The following NOTCH3 variants were observed in gnomAD, a reference collection of about 807,000 sequenced individuals.
NOTCH3 encodes the protein neurogenic locus notch homolog protein 3.
NOTCH3 carries 86 observed loss-of-function variants against 213.3 expected under a neutral mutation model. The observed-to-expected ratio is 0.40, with a 90% CI of 0.34 to 0.48. The LOEUF is 0.48. Ranked by LOEUF, NOTCH3 falls within the 20% of genes least tolerant of loss-of-function variation. The pLI is 0.57. For synonymous variants in NOTCH3, 1,354 were observed against 1,355.9 expected (o/e 1.00, Z 0.03); for missense variants, 2,783 against 3,272.6 (o/e 0.85, Z 3.65).
chr19:15,200,161 G>GGGGTCCCAGGGCCTCC (rs1175345994), intron 1 of NOTCH3, among the ~76,000 whole-genome samples: 1 of 150,684 alleles, frequency 6.6e-6, no homozygotes, highest in African/African-American at 2.4e-5. Context: ...GCGCAGGGGC[G>GGGGTCCCAGGGCCTCC]GGGTCCCAGG....
At chr19:15,187,445 G>T in intron 10 of NOTCH3, 107 bp from the exon 11 acceptor site, 1 of 973,734 alleles carries the variant, frequency 1.0e-6, no homozygotes, top group Non-Finnish European at 1.5e-6. Flanking sequence ...TGCCCATCAA[G>T]CTGTCAGGAG....
chr19:15,175,202 G>A (rs1484781598), intron 24 of NOTCH3, among the ~76,000 whole-genome samples: 1 of 152,090 alleles, frequency 6.6e-6, no homozygotes, highest in East Asian at 1.9e-4. Flanking sequence ...GGAGATACAT[G>A]AGCCAAATAT....
chr19:15,184,157 C>A (rs942967445), intron 16 of NOTCH3, 138 bp downstream of exon 16: 2 of 877,334 alleles, frequency 2.3e-6, no homozygotes, highest in African/African-American at 1.6e-5. Context: ...CCTCCTCGGG[C>A]CTCAGTTTCC....
chr19:15,197,441 G>GCGCCCA, intron 2 of NOTCH3, 59 bp downstream of exon 2: 1 of 768,364 alleles, frequency 1.3e-6, no homozygotes, highest in Non-Finnish European at 2.3e-6. Flanking sequence ...AAGACAAATC[G>GCGCCCA]CCCCTCCCCC....
At chr19:15,188,424 C>T (rs2046901507) in intron 8 of NOTCH3, 76 bp from the exon 9 acceptor site, 1 of 905,986 alleles carries the variant, frequency 1.1e-6, no homozygotes, top group Non-Finnish European at 1.8e-6. Flanking sequence ...GGAGGTACTT[C>T]CCTTCCTACT....
chr19:15,162,213 C>T (rs2046650778), intron 32 of NOTCH3: 4 of 508,236 alleles, frequency 7.9e-6, no homozygotes, highest in Non-Finnish European at 1.1e-5. Context: ...AACTCCTGAA[C>T]TCAAGTAATC....
At chr19:15,172,527 A>G (rs2046742946) in intron 25 of NOTCH3, among the ~76,000 whole-genome samples, 1 of 150,914 alleles carries the variant, frequency 6.6e-6, no homozygotes, top group Non-Finnish European at 1.5e-5. Context: ...CCACATCCCA[A>G]TATCTGCAAA....
intron 1 of NOTCH3, among the ~76,000 whole-genome samples, chr19:15,199,706 G>C (rs889184977): frequency 2.0e-5 from 3 of 152,210 alleles, no homozygotes; most frequent in Non-Finnish European, 4.4e-5. Context: ...GGCCATGTGT[G>C]TGCGCCGCTG....
chr19:15,179,854 C>A (rs1265065718), intron 20 of NOTCH3, among the ~76,000 whole-genome samples: 1 of 152,002 alleles, frequency 6.6e-6, no homozygotes. Context: ...CTGCACTCGT[C>A]TGGGTGACAG....
At chr19:15,167,157 C>A in intron 29 of NOTCH3, 92 bp downstream of exon 29, 1 of 1,389,378 alleles carries the variant, frequency 7.2e-7, no homozygotes, top group Non-Finnish European at 1.0e-6. Context: ...TTAGAGACTC[C>A]CCCAGTTCTC....
Position 15,173,766 on chromosome 19 carries a change from G to A in NOTCH3, c.4736+302C>T, listed in dbSNP as rs1432433334. Among the ~76,000 whole-genome samples the A allele has an allele frequency of 0.02, 59 of 2,886 alleles. 4 individuals are homozygous for A. The African/African-American group carries it at 0.22, about 11-fold the overall frequency. The allele number at this position is 2,886 out of a possible 152,430, so 1.9% of individuals were successfully genotyped here. A position where few individuals can be genotyped will look rare whatever the true frequency, so the allele number is the denominator to read the frequency against. Reference sequence around the variant, plus strand: ...AGAAAAGAAGAAGGAGAAGGAGAAGGAGAAGGAGAAGGAGAAGGAGAAGAA... The same window carrying A: ...AGAAAAGAAGAAGGAGAAGGAGAAGAAGAAGGAGAAGGAGAAGGAGAAGAA... On this transcript the variant is annotated intron_variant, in intron 25 of 32. Transcript: ENST00000263388.
chr19:15,186,700 C>CA (rs1365110547), intron 12 of NOTCH3, among the ~76,000 whole-genome samples, 178 bp downstream of exon 12: 2 of 152,228 alleles, frequency 1.3e-5, no homozygotes, highest in Non-Finnish European at 2.9e-5. Context: ...CCACCGCGCC[C>CA]AGCCTGCAGA....
At position 15,167,138 on chromosome 19, in the gene NOTCH3, C is replaced by T; in HGVS notation, c.5362+111G>A. 4 of 1,198,216 alleles carry T rather than the reference C, an allele frequency of 3.3e-6. No individual in the cohort carries two copies. The South Asian group carries it at 4.0e-5, about 12-fold the overall frequency. The allele number at this position is 1,198,216 out of a possible 1,614,324, so 74.2% of individuals were successfully genotyped here. A position where few individuals can be genotyped will look rare whatever the true frequency, so the allele number is the denominator to read the frequency against. On this transcript the variant is annotated intron_variant, in intron 29 of 32. Coordinates refer to ENST00000263388, the MANE Select transcript of NOTCH3 (RefSeq NM_000435.3). ...AGTGTTGCTGAATACACACACCCTTCACAGAAGCTTAGAGACTCCCCCAGT... is the reference window on the plus strand; with the variant it reads ...AGTGTTGCTGAATACACACACCCTTTACAGAAGCTTAGAGACTCCCCCAGT...
At chr19:15,199,716 G>A (rs546555736) in intron 1 of NOTCH3, among the ~76,000 whole-genome samples, 6 of 152,326 alleles carry the variant, frequency 3.9e-5, no homozygotes, top group Admixed American at 3.9e-4. Flanking sequence ...GTGCGCCGCT[G>A]GTCCGGCGGA....
chr19:15,171,764 T>G (rs1305239078), intron 25 of NOTCH3, among the ~76,000 whole-genome samples: 4 of 152,150 alleles, frequency 2.6e-5, no homozygotes, highest in Non-Finnish European at 4.4e-5. Context: ...TCCGACTCCC[T>G]GGTTCAAGTG....
At chr19:15,196,230 G>C (rs1156708281) in intron 2 of NOTCH3, among the ~76,000 whole-genome samples, 1 of 152,080 alleles carries the variant, frequency 6.6e-6, no homozygotes, top group Non-Finnish European at 1.5e-5. Flanking sequence ...GGGCAGCCGC[G>C]GGCTCATTCA....
chr19:15,171,640 G>A (rs1434118912), intron 25 of NOTCH3, among the ~76,000 whole-genome samples: 1 of 152,228 alleles, frequency 6.6e-6, no homozygotes, highest in Non-Finnish European at 1.5e-5. Context: ...TGGGTTTACA[G>A]GCCTGGGCCA....
At chr19:15,194,694 G>A (rs1007389452) in intron 2 of NOTCH3, among the ~76,000 whole-genome samples, 3 of 152,002 alleles carry the variant, frequency 2.0e-5, no homozygotes, top group Admixed American at 2.0e-4. Context: ...GGTGGCTCAC[G>A]CCTGTAATCC....
intron 16 of NOTCH3, among the ~76,000 whole-genome samples, chr19:15,183,871 C>T (rs917746429): frequency 1.3e-5 from 2 of 151,608 alleles, no homozygotes; most frequent in Non-Finnish European, 2.9e-5. Context: ...GGCAACATGG[C>T]GAAACTCCGT....
Sources: allele counts gnomAD v4.1 joint callset (sites outside exome capture counted in the v4.1 genomes callset), GRCh38; gene constraint gnomAD v4.1.1; transcripts MANE v1.5; gene names NCBI Gene and HGNC (gene_info 2026-07-23, HGNC 2026-07-21).